Variants in ERC2 observed in about 807,000 individuals in gnomAD.
ERC2 encodes the protein ELKS/RAB6-interacting/CAST family member 2.
Under a neutral mutation model 114.8 loss-of-function variants are expected in ERC2, and 42 were observed. That is an observed-to-expected ratio of 0.37 (90% CI 0.29 to 0.47). The LOEUF is 0.47. ERC2 is among the 20% of genes least tolerant of loss of function. The probability of loss-of-function intolerance (pLI) is 0.99; values close to 1 mark genes in which losing one functional copy is unlikely to be tolerated. For synonymous variants in ERC2, 454 were observed against 425.5 expected (o/e 1.07, Z -0.82); for missense variants, 939 against 1,150.7 (o/e 0.82, Z 2.66).
At chr3:56,087,895 A>G (rs1056002507) in intron 6 of ERC2, among the ~76,000 whole-genome samples, 1 of 152,198 alleles carries the variant, frequency 6.6e-6, no homozygotes, top group Non-Finnish European at 1.5e-5. Flanking sequence ...CGCATAATGT[A>G]CACAGTCTCC....
intron 13 of ERC2, among the ~76,000 whole-genome samples, chr3:55,922,110 A>C (rs992355606): frequency 6.6e-5 from 10 of 152,164 alleles, no homozygotes; most frequent in Non-Finnish European, 1.3e-4. Context: ...ACTTTCTAGC[A>C]ACTGTCTCAG....
At chr3:56,466,774 A>C (rs556435697) in intron 1 of ERC2, among the ~76,000 whole-genome samples, 154 of 152,306 alleles carry the variant, frequency 1.0e-3, no homozygotes, top group African/African-American at 3.5e-3. Flanking sequence ...GCCAAGCCCC[A>C]AGTACTGTAT....
intron 15 of ERC2, among the ~76,000 whole-genome samples, chr3:55,734,298 G>A (rs1428256656): frequency 6.6e-6 from 1 of 152,114 alleles, no homozygotes; most frequent in Admixed American, 6.5e-5. Flanking sequence ...GAAAGGTATT[G>A]GAGGAAATAG....
chr3:55,514,178 T>A (rs2052321411), intron 17 of ERC2, among the ~76,000 whole-genome samples: 1 of 152,122 alleles, frequency 6.6e-6, no homozygotes, highest in Admixed American at 6.6e-5. Flanking sequence ...GGGTGGATAT[T>A]TTGAGCCCAG....
chr3:56,048,293 C>A (rs541191692), intron 7 of ERC2, among the ~76,000 whole-genome samples: 1 of 152,128 alleles, frequency 6.6e-6, no homozygotes, highest in Non-Finnish European at 1.5e-5. Context: ...ATTGAATCTG[C>A]GTAACAAGTC....
chr3:56,401,977 T>C (rs2060537709), intron 2 of ERC2, among the ~76,000 whole-genome samples: 1 of 152,192 alleles, frequency 6.6e-6, no homozygotes, highest in Non-Finnish European at 1.5e-5. Context: ...AGACATGTCT[T>C]ACATGGCAGC....
intron 17 of ERC2, among the ~76,000 whole-genome samples, chr3:55,539,389 T>TTCTC (rs1328654934): frequency 4.0e-5 from 6 of 148,548 alleles, no homozygotes; most frequent in Non-Finnish European, 7.5e-5. Context: ...TCTTTTTTCT[T>TTCTC]TCTCTCTCTC....
chr3:56,048,701 C>T (rs1325502558), intron 7 of ERC2, among the ~76,000 whole-genome samples: 1 of 152,134 alleles, frequency 6.6e-6, no homozygotes, highest in East Asian at 1.9e-4. Context: ...TTGTTTAATT[C>T]CTCCTGTATG....
rs1251389557 is a variant in ERC2, at chr3:55,550,926, G to T, written c.*40-39650C>A. On this transcript the variant is annotated intron_variant, in intron 17 of 17. Transcript: ENST00000288221. The stretch of plus-strand genomic sequence containing the variant: ...AGCTACTCGGGAGGCTGAGGCAGAA[G>T]AATGGCGTGAACCTGGGAGGCAGAT... Among the ~76,000 whole-genome samples, 7 of 150,872 alleles carry T rather than the reference G, an allele frequency of 4.6e-5. No homozygotes were observed. In the Admixed American group the frequency reaches 4.6e-4, roughly 10 times the overall value.
intron 12 of ERC2, among the ~76,000 whole-genome samples, chr3:55,970,437 T>G (rs1356013280): frequency 3.3e-5 from 5 of 151,920 alleles, no homozygotes; most frequent in Non-Finnish European, 5.9e-5. Flanking sequence ...AAACTAACAG[T>G]CATATATTTA....
intron 3 of ERC2, among the ~76,000 whole-genome samples, chr3:56,211,581 C>G (rs895089735): frequency 1.3e-5 from 2 of 151,698 alleles, no homozygotes; most frequent in East Asian, 3.9e-4. Flanking sequence ...GCATTCTTCA[C>G]AGAAGTAGAA....
chr3:56,403,640 C>T (rs946144690), intron 2 of ERC2, among the ~76,000 whole-genome samples: 1 of 152,308 alleles, frequency 6.6e-6, no homozygotes, highest in Non-Finnish European at 1.5e-5. Context: ...TTTATTTTAA[C>T]GAGATCCCCA....
intron 13 of ERC2, among the ~76,000 whole-genome samples, chr3:55,914,193 A>C (rs544754262): frequency 6.8e-4 from 103 of 152,218 alleles, no homozygotes; most frequent in African/African-American, 2.3e-3. Context: ...AAATCTCTAG[A>C]TATACACAGA....
chr3:56,210,548 T>A (rs954195497), intron 3 of ERC2, among the ~76,000 whole-genome samples: 4 of 152,204 alleles, frequency 2.6e-5, no homozygotes, highest in Admixed American at 6.5e-5. Flanking sequence ...CTATCAGGCA[T>A]TCCTTAGGAA....
chr3:56,385,382 G>A (rs1160191213), intron 2 of ERC2, among the ~76,000 whole-genome samples: 1 of 151,992 alleles, frequency 6.6e-6, no homozygotes, highest in Non-Finnish European at 1.5e-5. Context: ...ACTTCCCAAA[G>A]GCCCCATCTC....
chr3:56,404,612 T>A (rs1181233725), intron 2 of ERC2, among the ~76,000 whole-genome samples: 1 of 152,106 alleles, frequency 6.6e-6, no homozygotes, highest in Non-Finnish European at 1.5e-5. Flanking sequence ...CTTGAGGGAA[T>A]GAATACCCCA....
At chr3:55,717,752 G>A (rs1365641799) in intron 15 of ERC2, among the ~76,000 whole-genome samples, 1 of 152,136 alleles carries the variant, frequency 6.6e-6, no homozygotes, top group Non-Finnish European at 1.5e-5. Flanking sequence ...CTCTGAGTTT[G>A]AGAATAAATA....
At chr3:55,989,738 T>C (rs1044516786) in intron 11 of ERC2, among the ~76,000 whole-genome samples, 1 of 152,166 alleles carries the variant, frequency 6.6e-6, no homozygotes, top group Admixed American at 6.5e-5. Flanking sequence ...ATAATGACAG[T>C]TTCTGTATTG....
intron 2 of ERC2, among the ~76,000 whole-genome samples, chr3:56,417,032 T>C (rs1226983167): frequency 6.6e-6 from 1 of 152,206 alleles, no homozygotes; most frequent in Non-Finnish European, 1.5e-5. Context: ...ATAAGAGTCT[T>C]AGCTGGCCAG....
Sources: gnomAD v4.1 joint callset for allele counts (sites outside exome capture counted in the v4.1 genomes callset) on GRCh38, gnomAD v4.1.1 for gene constraint, MANE v1.5 for transcripts, NCBI Gene and HGNC (gene_info 2026-07-23, HGNC 2026-07-21) for gene names.